The following ASTN1 variants were observed in gnomAD, a reference collection of about 807,000 sequenced individuals.
The protein encoded by ASTN1 is astrotactin-1.
Under a neutral mutation model 140.7 loss-of-function variants are expected in ASTN1, and 41 were observed. The observed-to-expected ratio is 0.29, with a 90% CI of 0.23 to 0.38. ASTN1 has a LOEUF of 0.38. Among genes scored for constraint, ASTN1 ranks in the 10% least tolerant of loss-of-function variants. The pLI is 1.00. For missense variants in ASTN1, 1,479 were observed against 1,678.8 expected (o/e 0.88, Z 2.08); for synonymous variants, 640 against 652.2 (o/e 0.98, Z 0.29).
At chr1:176,911,719 C>T (rs902346418) in intron 16 of ASTN1, among the ~76,000 whole-genome samples, 1 of 152,264 alleles carries the variant, frequency 6.6e-6, no homozygotes, top group African/African-American at 2.4e-5. Context: ...CCTGGAAGAC[C>T]TGCCTGAAGC....
intron 8 of ASTN1, among the ~76,000 whole-genome samples, chr1:177,011,545 G>T (rs915879194): frequency 8.6e-5 from 13 of 151,280 alleles, no homozygotes; most frequent in Non-Finnish European, 1.5e-4. Context: ...AAACAAACTG[G>T]CTTCCTGTCA....
chr1:177,125,221 C>T (rs933384275), intron 1 of ASTN1, among the ~76,000 whole-genome samples: 1 of 152,130 alleles, frequency 6.6e-6, no homozygotes, highest in African/African-American at 2.4e-5. Flanking sequence ...TGGGAATTTG[C>T]CTGAGTCTTT....
intron 1 of ASTN1, among the ~76,000 whole-genome samples, chr1:177,147,224 A>T (rs372853940): frequency 1.5e-3 from 221 of 152,334 alleles, no homozygotes; most frequent in African/African-American, 5.0e-3. Context: ...AGTTTTCACT[A>T]CAAAGACACC....
intron 8 of ASTN1, among the ~76,000 whole-genome samples, chr1:176,993,266 G>GTA (rs1237530524): frequency 1.3e-5 from 2 of 152,182 alleles, no homozygotes; most frequent in African/African-American, 4.8e-5. Flanking sequence ...GCCAGAGAAG[G>GTA]TATAGTCCAT....
chr1:176,942,837 TATATATATATATATATATATATATATATA>T (rs1557978032), intron 14 of ASTN1, among the ~76,000 whole-genome samples: 556 of 27,500 alleles, frequency 0.02, 68 homozygotes, highest in Non-Finnish European at 0.033. Context: ...TATATATATG[TATATATATATATATATATATATATATATA>T]GATTGATGTC....
At chr1:176,939,537 GA>G in intron 14 of ASTN1, among the ~76,000 whole-genome samples, 1 of 152,200 alleles carries the variant, frequency 6.6e-6, no homozygotes, top group African/African-American at 2.4e-5. Context: ...TAGTTAAAAA[GA>G]AAGGGGTATT....
intron 9 of ASTN1, among the ~76,000 whole-genome samples, chr1:176,959,340 G>T (rs1672554371): frequency 6.6e-6 from 1 of 152,118 alleles, no homozygotes. Flanking sequence ...AATGTGCAGG[G>T]AGGAACAATG....
intron 2 of ASTN1, among the ~76,000 whole-genome samples, chr1:177,056,287 C>T (rs1184414000): frequency 2.6e-5 from 4 of 152,166 alleles, no homozygotes; most frequent in Admixed American, 6.5e-5. Context: ...GCACCTGCCT[C>T]TTTTGTCTCC....
intron 1 of ASTN1, among the ~76,000 whole-genome samples, chr1:177,118,661 T>A (rs1319196501): frequency 5.3e-5 from 8 of 152,208 alleles, no homozygotes; most frequent in Non-Finnish European, 8.8e-5. Flanking sequence ...TCCAAACGTT[T>A]AATTTCAGGC....
In ASTN1 at chr1:176,862,299, A is replaced by T. The variant is rs925708220; in HGVS notation, c.*1985T>A. 8 of 985,318 alleles carry T rather than the reference A, an allele frequency of 8.1e-6. No individual in the cohort carries two copies. Among genetic ancestry groups the T allele is most frequent in the Non-Finnish European group, 8.4e-6 (7 of 829,960 alleles). The allele number at this position is 985,318 out of a possible 1,614,324, so 61.0% of individuals were successfully genotyped here. A position where few individuals can be genotyped will look rare whatever the true frequency, so the allele number is the denominator to read the frequency against. On this transcript the variant is annotated 3_prime_UTR_variant, in exon 23 of 23. Transcript: ENST00000361833. Reference sequence around the variant, plus strand: ...TTGGAAAGAAGGAGAGAGGAGAGTGAAACCACCCTGTGCTTTATCTCAGCC... The same window carrying T: ...TTGGAAAGAAGGAGAGAGGAGAGTGTAACCACCCTGTGCTTTATCTCAGCC...
chr1:177,009,424 G>T (rs1438848410), intron 8 of ASTN1, among the ~76,000 whole-genome samples: 1 of 152,210 alleles, frequency 6.6e-6, no homozygotes, highest in African/African-American at 2.4e-5. Context: ...GAGCAAGACA[G>T]AGGAGCTGAG....
intron 8 of ASTN1, among the ~76,000 whole-genome samples, chr1:176,996,928 T>G (rs1418394614): frequency 6.6e-6 from 1 of 152,002 alleles, no homozygotes; most frequent in Non-Finnish European, 1.5e-5. Flanking sequence ...AGAGCAGAAG[T>G]GTGTATTTGA....
intron 11 of ASTN1, among the ~76,000 whole-genome samples, chr1:176,954,040 C>T (rs1170188568): frequency 2.6e-5 from 4 of 152,182 alleles, no homozygotes; most frequent in Admixed American, 2.6e-4. Context: ...GATATCCTGG[C>T]TAAAGCTCAG....
chr1:176,949,370 A>C lies in ASTN1; in HGVS notation c.1888-19T>G. 1 of 1,606,390 alleles carries C rather than the reference A, an allele frequency of 6.2e-7. No individual in the cohort carries two copies. The highest frequency in any genetic ancestry group is 8.5e-7 in the Non-Finnish European group (1 of 1,174,956). ...ATGGGCACTGGCACAATCAGAAAACATCCACATACGTGGGTGAATCGGGGA... is the reference window on the plus strand; with the variant it reads ...ATGGGCACTGGCACAATCAGAAAACCTCCACATACGTGGGTGAATCGGGGA... On this transcript the variant is annotated intron_variant, in intron 11 of 22. Coordinates refer to ENST00000361833, the MANE Select transcript of ASTN1 (RefSeq NM_004319.3).
Position 177,029,693 on chromosome 1 carries a change from T to C in ASTN1, c.1061A>G (p.Glu354Gly). The change falls in exon 5 of 23, where the codon GAA becomes GGA. Residue 354 changes from glutamate to glycine, a missense_variant. Around this residue, in one of 3 missense-constraint regions of ASTN1, gnomAD observed 729 missense variants for 860.4 expected, o/e 0.85. Coordinates refer to ENST00000361833, the MANE Select transcript of ASTN1 (RefSeq NM_004319.3). Reference sequence around the variant, plus strand: ...GTAAAAGGTCAGCTGGGGGTCGTTTTCTGCCTCTGTGCCAGAATCCCCTTC... The same window carrying C: ...GTAAAAGGTCAGCTGGGGGTCGTTTCCTGCCTCTGTGCCAGAATCCCCTTC... ...NPEGDSGTEA[E>G]NDPQLTFYTD... The C allele has an allele frequency of 6.2e-7, 1 of 1,613,694 alleles. No homozygotes were observed.
chr1:177,061,330 C>A, intron 1 of ASTN1, 65 bp from the exon 2 acceptor site: 1 of 1,401,706 alleles, frequency 7.1e-7, no homozygotes, highest in South Asian at 1.6e-5. Flanking sequence ...CATCTTCTTC[C>A]TCGCCACTTG....
At chr1:177,028,221 T>G (rs77772353) in intron 5 of ASTN1, among the ~76,000 whole-genome samples, 49 of 152,290 alleles carry the variant, frequency 3.2e-4, no homozygotes, top group African/African-American at 1.1e-3. Context: ...CAAGACTTTA[T>G]TAAAGCAGGA....
Position 176,861,983 on chromosome 1 carries a change from C to T in ASTN1, c.*2301G>A. On this transcript the variant is annotated 3_prime_UTR_variant, in exon 23 of 23. Transcript: ENST00000361833. ...CATCATCCACTTCTGGGCAGGAAGG[C>T]ATCGGCAGCCTCACCCTCCTTTCAC... 1.0e-6 allele frequency: 1 copy of T among 985,594 alleles called. No homozygotes were observed. The highest frequency in any genetic ancestry group is 4.7e-5 in the South Asian group (1 of 21,284). 61.1% of individuals were successfully genotyped at this position (985,594 alleles called of 1,614,324 possible). A position where few individuals can be genotyped will look rare whatever the true frequency, so the allele number is the denominator to read the frequency against.
At chr1:176,899,256 C>T (rs1260828355) in intron 16 of ASTN1, among the ~76,000 whole-genome samples, 1 of 152,184 alleles carries the variant, frequency 6.6e-6, no homozygotes, top group Non-Finnish European at 1.5e-5. Context: ...CCTTAAAGCT[C>T]AACATGTCAT....
Sources: allele counts gnomAD v4.1 joint callset (sites outside exome capture counted in the v4.1 genomes callset), GRCh38; gene constraint gnomAD v4.1.1; regional missense constraint gnomAD v4.1.1; transcripts MANE v1.5; gene names NCBI Gene and HGNC (gene_info 2026-07-23, HGNC 2026-07-21).